ENAH: variants seen among roughly 807,000 people sequenced by gnomAD.
The protein encoded by ENAH is protein enabled homolog.
In ENAH, 23 loss-of-function variants were observed where a neutral mutation model predicts 78.7. The observed-to-expected ratio is 0.29, with a 90% CI of 0.21 to 0.41. The LOEUF (loss-of-function observed/expected upper bound fraction) is 0.41. ENAH is among the 10% of genes least tolerant of loss of function. The pLI, the probability that ENAH is intolerant of heterozygous loss-of-function variation, is 1.00. For missense variants in ENAH, 544 were observed against 691.0 expected (o/e 0.79, Z 2.39); for synonymous variants, 226 against 241.0 (o/e 0.94, Z 0.58).
chr1:225,639,531 C>G (rs927237751), intron 1 of ENAH, among the ~76,000 whole-genome samples: 1 of 152,114 alleles, frequency 6.6e-6, no homozygotes, highest in Non-Finnish European at 1.5e-5. Context: ...CCATCTTGCT[C>G]TGAGATGCCT....
intron 12 of ENAH, 84 bp downstream of exon 12, chr1:225,500,908 G>A (rs1490594126): frequency 3.3e-6 from 4 of 1,223,780 alleles, no homozygotes; most frequent in Non-Finnish European, 4.7e-6. Context: ...AGTACATTCA[G>A]GATCCATGTC....
intron 5 of ENAH, among the ~76,000 whole-genome samples, chr1:225,518,797 A>G (rs929916495): frequency 2.0e-5 from 3 of 152,202 alleles, no homozygotes; most frequent in African/African-American, 7.2e-5. Flanking sequence ...TTTAGAATGC[A>G]ATCAAGCAAA....
intron 1 of ENAH, among the ~76,000 whole-genome samples, chr1:225,638,644 C>T (rs1660487772): frequency 6.6e-6 from 1 of 152,148 alleles, no homozygotes; most frequent in Admixed American, 6.5e-5. Flanking sequence ...TGAGGAGGAG[C>T]TTAGTGGAGC....
In ENAH at chr1:225,519,287, A is replaced by G. The variant is rs368534336; in HGVS notation, c.713T>C (p.Leu238Pro). Residue 238 changes from leucine to proline, a missense_variant, in exon 5 of 14, where the codon CTG becomes CCG. This residue lies in a region of ENAH where 366 missense variants were observed against 396.1 expected (regional missense o/e 0.92). Transcript: ENST00000366843. ...ERQERERLERLERERQERERQ... is the reference protein window; with the variant it reads ...ERQERERLERPERERQERERQ... Reference sequence around the variant, plus strand: ...CTCCCTTTCTTGCCTCTCCCGTTCCAGTCTCTCCAGCCTCTCTCGTTCTTG... The same window carrying G: ...CTCCCTTTCTTGCCTCTCCCGTTCCGGTCTCTCCAGCCTCTCTCGTTCTTG... The G allele has an allele frequency of 1.2e-6, 2 of 1,613,610 alleles. No individual in the cohort carries two copies. Among genetic ancestry groups the G allele is most frequent in the African/African-American group, 2.7e-5 (2 of 74,828 alleles).
rs1438519271 is a variant in ENAH at position 225,555,911 on chromosome 1, GATTT to G, written c.172-832_172-829del. ...TAGGGGTCTTAAGTATCTTTCATTA[GATTT>G]ATTTCCTATTATTAATCGAGTTTTG... On this transcript the variant is annotated intron_variant, in intron 2 of 13. Coordinates refer to ENST00000366843, the MANE Select transcript of ENAH (RefSeq NM_018212.6). 6.6e-5 allele frequency among the ~76,000 whole-genome samples: 10 copies of G among 152,204 alleles called. No homozygotes were observed. The East Asian group carries it at 1.7e-3, about 26-fold the overall frequency.
chr1:225,608,676 T>C (rs990299179), intron 1 of ENAH, among the ~76,000 whole-genome samples: 4 of 151,220 alleles, frequency 2.6e-5, no homozygotes, highest in Non-Finnish European at 5.9e-5. Flanking sequence ...ATTGGCCAGG[T>C]GTGATGGCAG....
At position 225,617,313 on chromosome 1, in the gene ENAH, C is replaced by A. The variant is rs191490420; in HGVS notation, c.5+35373G>T. Among the ~76,000 whole-genome samples, 324 of 152,206 alleles carry A rather than the reference C, an allele frequency of 2.1e-3. 1 individual carries two copies. Among genetic ancestry groups the A allele is most frequent in the Non-Finnish European group, 3.3e-3 (223 of 67,996 alleles). Reference sequence around the variant, plus strand: ...CAAAATAACAACCTAACCAAATAAGCAAATATGTAAGTGTACTTCCAGGCC... The same window carrying A: ...CAAAATAACAACCTAACCAAATAAGAAAATATGTAAGTGTACTTCCAGGCC... On this transcript the variant is annotated intron_variant, in intron 1 of 13. Coordinates refer to ENST00000366843, the MANE Select transcript of ENAH (RefSeq NM_018212.6).
At chr1:225,520,322 A>T (rs1444933221) in intron 4 of ENAH, among the ~76,000 whole-genome samples, 1 of 150,132 alleles carries the variant, frequency 6.7e-6, no homozygotes, top group Non-Finnish European at 1.5e-5. Flanking sequence ...TTACTGAATG[A>T]AAAAGAGTCA....
At chr1:225,563,057 AG>A (rs1437314173) in intron 2 of ENAH, among the ~76,000 whole-genome samples, 1 of 152,046 alleles carries the variant, frequency 6.6e-6, no homozygotes, top group African/African-American at 2.4e-5. Flanking sequence ...TGTTTCCTTA[AG>A]TATCATTATA....
At chr1:225,614,643 T>C (rs1395199477) in intron 1 of ENAH, among the ~76,000 whole-genome samples, 1 of 152,088 alleles carries the variant, frequency 6.6e-6, no homozygotes, top group Non-Finnish European at 1.5e-5. Context: ...AGGAGATAGG[T>C]TGGTTGCTTC....
intron 4 of ENAH, among the ~76,000 whole-genome samples, chr1:225,529,200 G>C (rs2096525775): frequency 1.3e-5 from 2 of 152,174 alleles, no homozygotes; most frequent in South Asian, 2.1e-4. Flanking sequence ...TCAGAGTAAA[G>C]GTTAAATTCT....
intron 4 of ENAH, among the ~76,000 whole-genome samples, chr1:225,525,381 C>G (rs2096495741): frequency 6.6e-6 from 1 of 152,098 alleles, no homozygotes; most frequent in Admixed American, 6.5e-5. Context: ...AAAAGTAGTA[C>G]TTTTAAAAAT....
chr1:225,503,658 C>CAAAAAAAAAAAAAAAA (rs10683254), intron 11 of ENAH, among the ~76,000 whole-genome samples: 1 of 82,948 alleles, frequency 1.2e-5, no homozygotes, highest in Non-Finnish European at 2.2e-5. Flanking sequence ...CAAACCACCT[C>CAAAAAAAAAAAAAAAA]AAAAAAAAAA....
At position 225,546,242 on chromosome 1, in the gene ENAH, C is replaced by T. The variant is rs1038680699; in HGVS notation, c.349+8664G>A. On this transcript the variant is annotated intron_variant, in intron 3 of 13. Coordinates refer to ENST00000366843, the MANE Select transcript of ENAH (RefSeq NM_018212.6). ...AATGAGAATCAGCCTGGCCTGAGGT[C>T]TGTAAACTTTAAGAGGATAAGCTAC... Among the ~76,000 whole-genome samples, 3 of 152,092 alleles carry T rather than the reference C, an allele frequency of 2.0e-5. No individual in the cohort carries two copies. In the East Asian group the frequency reaches 5.8e-4, roughly 29 times the overall value.
At chr1:225,518,920 C>G (rs1038207858) in intron 5 of ENAH, 2 of 428,426 alleles carry the variant, frequency 4.7e-6, no homozygotes, top group Non-Finnish European at 8.1e-6. Flanking sequence ...TAAAAACACA[C>G]TTACACTTTA....
rs58380450 is a variant in ENAH at position 225,551,560 on chromosome 1, G to A, written c.349+3346C>T. 6.1e-4 allele frequency among the ~76,000 whole-genome samples: 93 copies of A among 152,050 alleles called. 2 individuals are homozygous for A. The East Asian group carries it at 0.012, about 20-fold the overall frequency. On this transcript the variant is annotated intron_variant, in intron 3 of 13. Coordinates refer to ENST00000366843, the MANE Select transcript of ENAH (RefSeq NM_018212.6). ...GAGGCATCTCAGTGGTTGCGGATCC[G>A]GAACCCTATATCAATCAGAGAAGCT... is the stretch of plus-strand genomic sequence containing the variant.
chr1:225,624,636 C>T (rs1434923829), intron 1 of ENAH, among the ~76,000 whole-genome samples: 2 of 150,248 alleles, frequency 1.3e-5, no homozygotes, highest in African/African-American at 4.9e-5. Context: ...AATCAATCAA[C>T]AAATAAATAA....
chr1:225,500,949 A>G, intron 12 of ENAH, 43 bp downstream of exon 12: 1 of 1,567,774 alleles, frequency 6.4e-7, no homozygotes, highest in Non-Finnish European at 8.8e-7. Context: ...TTTTTTAAAA[A>G]GAAACAAGTA....
At chr1:225,549,588 G>A (rs2096631893) in intron 3 of ENAH, among the ~76,000 whole-genome samples, 1 of 152,198 alleles carries the variant, frequency 6.6e-6, no homozygotes, top group African/African-American at 2.4e-5. Flanking sequence ...TTCTGTAAGT[G>A]CCAATCTCAT....
Sources: allele counts gnomAD v4.1 joint callset (sites outside exome capture counted in the v4.1 genomes callset), GRCh38; gene constraint gnomAD v4.1.1; regional missense constraint gnomAD v4.1.1; transcripts MANE v1.5; gene names NCBI Gene and HGNC (gene_info 2026-07-23, HGNC 2026-07-21).